Variants in SLC44A3 observed in about 807,000 individuals in gnomAD.
SLC44A3 encodes the protein choline transporter-like protein 3.
Under a neutral mutation model 75.4 loss-of-function variants are expected in SLC44A3, and 74 were observed. That is an observed-to-expected ratio of 0.98 (90% CI 0.81 to 1.19). SLC44A3 has a LOEUF of 1.19. Ranked by LOEUF, SLC44A3 falls within the 50% of genes most tolerant of loss-of-function variation. The pLI, the probability that SLC44A3 is intolerant of heterozygous loss-of-function variation, is 0.00. For synonymous variants in SLC44A3, 310 were observed against 296.9 expected (o/e 1.04, Z -0.45); for missense variants, 700 against 778.6 (o/e 0.90, Z 1.20).
intron 12 of SLC44A3, among the ~76,000 whole-genome samples, chr1:94,881,057 T>A (rs1452163445): frequency 2.6e-5 from 4 of 152,182 alleles, no homozygotes; most frequent in African/African-American, 9.7e-5. Flanking sequence ...AAAAGATATG[T>A]TACTACAGTG....
chr1:94,820,598 C>G, intron 1 of SLC44A3, 120 bp downstream of exon 1: 2 of 1,409,066 alleles, frequency 1.4e-6, no homozygotes, highest in South Asian at 1.5e-5. Flanking sequence ...GGATCCCGCC[C>G]CCGCTTAGTA....
rs1283364394 is a variant in SLC44A3 at position 94,821,695 on chromosome 1, C to T, written c.135+639C>T. Among the ~76,000 whole-genome samples, 12 of 152,152 alleles carry T rather than the reference C, an allele frequency of 7.9e-5. No homozygotes were observed. The East Asian group carries it at 2.3e-3, about 29-fold the overall frequency. On this transcript the variant is annotated intron_variant, in intron 2 of 14. Coordinates refer to ENST00000271227, the MANE Select transcript of SLC44A3 (RefSeq NM_001114106.3). Reference sequence around the variant, plus strand: ...TAGAATTGTAGGTAACAGCAGAAAACGTCTCACCCGACATTTTCAAAGGCC... The same window carrying T: ...TAGAATTGTAGGTAACAGCAGAAAATGTCTCACCCGACATTTTCAAAGGCC...
chr1:94,845,128 G>A lies in SLC44A3; in HGVS notation c.886-150G>A, dbSNP rs535494498. 29 of 765,416 alleles carry A rather than the reference G, an allele frequency of 3.8e-5. No individual in the cohort carries two copies. In the East Asian group the frequency reaches 5.4e-4, roughly 14 times the overall value. The allele number at this position is 765,416 out of a possible 1,614,324, so 47.4% of individuals were successfully genotyped here. On this transcript the variant is annotated intron_variant, in intron 8 of 14. Coordinates refer to ENST00000271227, the MANE Select transcript of SLC44A3 (RefSeq NM_001114106.3). ...TACTAGATGCTCAGTTAGTGTTTGC[G>A]AATGCATCTGTAAAATTATAACAAA...
At position 94,840,310 on chromosome 1, in the gene SLC44A3, G is replaced by A. The variant is rs201147582; in HGVS notation, c.760+273G>A. Among the ~76,000 whole-genome samples, 3 of 45,984 alleles carry A rather than the reference G, an allele frequency of 6.5e-5. No individual in the cohort carries two copies. In the East Asian group the frequency reaches 2.2e-3, roughly 34 times the overall value. 30.2% of individuals were successfully genotyped at this position (45,984 alleles called of 152,430 possible). On this transcript the variant is annotated intron_variant, in intron 7 of 14. Transcript: ENST00000271227. ...TTTTTTTTTTTTTTTTTTTTTTTGA[G>A]GCAGGCTCTCACTTTGTTGCCCAGG... is the stretch of plus-strand genomic sequence containing the variant.
At chr1:94,863,031 C>T (rs1389347088) in intron 10 of SLC44A3, among the ~76,000 whole-genome samples, 1 of 152,078 alleles carries the variant, frequency 6.6e-6, no homozygotes, top group Non-Finnish European at 1.5e-5. Context: ...GAGTCTGAGA[C>T]TAGGTGGGGG....
At chr1:94,849,319 A>T (rs111595728) in intron 9 of SLC44A3, among the ~76,000 whole-genome samples, 1 of 152,132 alleles carries the variant, frequency 6.6e-6, no homozygotes, top group African/African-American at 2.4e-5. Context: ...TAGGCTTCTC[A>T]GGAGAGAAGG....
intron 12 of SLC44A3, among the ~76,000 whole-genome samples, chr1:94,888,286 T>A (rs1000145508): frequency 3.3e-5 from 5 of 152,180 alleles, no homozygotes; most frequent in African/African-American, 1.2e-4. Flanking sequence ...GGTTAGAATT[T>A]AAAAAATTAA....
chr1:94,888,641 C>CA, intron 12 of SLC44A3: 1 of 812,710 alleles, frequency 1.2e-6, no homozygotes, highest in Non-Finnish European at 1.5e-6. Context: ...GTGGAACTTT[C>CA]TTTTTTTTTT....
intron 12 of SLC44A3, among the ~76,000 whole-genome samples, chr1:94,887,590 C>T (rs1245843598): frequency 1.3e-5 from 2 of 152,104 alleles, no homozygotes; most frequent in Admixed American, 6.6e-5. Flanking sequence ...AGCCAAAGAG[C>T]GAAATCTGTT....
chr1:94,893,146 G>T (rs1055506419), intron 14 of SLC44A3, among the ~76,000 whole-genome samples: 5 of 152,170 alleles, frequency 3.3e-5, no homozygotes, highest in African/African-American at 1.2e-4. Flanking sequence ...GGTAGACAGG[G>T]ATATTTTAAC....
At chr1:94,838,661 G>A (rs539415317) in intron 6 of SLC44A3, among the ~76,000 whole-genome samples, 2 of 152,168 alleles carry the variant, frequency 1.3e-5, no homozygotes, top group African/African-American at 2.4e-5. Context: ...TTACTAAAAG[G>A]TTCCTAATTC....
chr1:94,834,187 T>C (rs1662487496), intron 5 of SLC44A3, among the ~76,000 whole-genome samples: 1 of 151,900 alleles, frequency 6.6e-6, no homozygotes, highest in Non-Finnish European at 1.5e-5. Flanking sequence ...GATCATGGTT[T>C]CTAATCATTG....
chr1:94,848,707 C>T (rs545557066), intron 9 of SLC44A3, among the ~76,000 whole-genome samples: 18 of 152,004 alleles, frequency 1.2e-4, no homozygotes, highest in Non-Finnish European at 1.9e-4. Flanking sequence ...GGATTGAGGT[C>T]GACTCTCTGC....
chr1:94,891,347 AT>A, intron 13 of SLC44A3, 80 bp downstream of exon 13: 2 of 1,415,386 alleles, frequency 1.4e-6, no homozygotes, highest in Non-Finnish European at 1.9e-6. Context: ...AGGGAACTAT[AT>A]TTCTTGAGTA....
At chr1:94,821,769 T>C (rs1660625731) in intron 2 of SLC44A3, among the ~76,000 whole-genome samples, 1 of 152,224 alleles carries the variant, frequency 6.6e-6, no homozygotes, top group Admixed American at 6.5e-5. Context: ...ATTTGCTGCA[T>C]GGTAAATGAT....
Position 94,875,141 on chromosome 1 carries a change from G to T in SLC44A3, c.1482+7724G>T, listed in dbSNP as rs76350428. On this transcript the variant is annotated intron_variant, in intron 12 of 14. Transcript: ENST00000271227. ...CAGGTGGATCGCAAAAGAGAATGAG[G>T]AAGGGCCTGAGCCCGCCTACACTCT... Among the ~76,000 whole-genome samples the T allele has an allele frequency of 6.5e-3, 996 of 152,258 alleles. 7 individuals carry two copies. The highest frequency in any genetic ancestry group is 9.3e-3 in the Non-Finnish European group (633 of 68,026).
chr1:94,853,891 T>A (rs6702009), intron 9 of SLC44A3, among the ~76,000 whole-genome samples: 2,567 of 151,964 alleles, frequency 0.017, 94 homozygotes, highest in African/African-American at 0.059. Flanking sequence ...CATTTATTGT[T>A]CCGCCTAATA....
chr1:94,849,854 G>T (rs10735789), intron 9 of SLC44A3, among the ~76,000 whole-genome samples: 2 of 151,886 alleles, frequency 1.3e-5, no homozygotes, highest in African/African-American at 4.8e-5. Context: ...GGGCTCAAGC[G>T]ATCCTCCCAT....
chr1:94,839,499 G>T (rs746337522), intron 6 of SLC44A3, among the ~76,000 whole-genome samples: 21 of 151,816 alleles, frequency 1.4e-4, no homozygotes, highest in Non-Finnish European at 3.1e-4. Context: ...AGCGATTCTT[G>T]TACCTCAGCC....
Sources: allele counts gnomAD v4.1 joint callset (sites outside exome capture counted in the v4.1 genomes callset), GRCh38; gene constraint gnomAD v4.1.1; transcripts MANE v1.5; gene names NCBI Gene and HGNC (gene_info 2026-07-23, HGNC 2026-07-21).